The following SCFD2 variants were observed in gnomAD, a reference collection of about 807,000 sequenced individuals.
SCFD2 encodes the protein sec1 family domain containing 2.
A neutral mutation model predicts 58.9 loss-of-function variants in SCFD2; 54 were observed. The ratio of observed to expected loss-of-function variants is 0.92; its 90% CI spans 0.74 to 1.15. The LOEUF is 1.15. Ranked by LOEUF, SCFD2 falls within the 50% of genes most tolerant of loss-of-function variation. The probability of loss-of-function intolerance (pLI) is 0.00; values close to 1 mark genes in which losing one functional copy is unlikely to be tolerated. For synonymous variants in SCFD2, 321 were observed against 335.9 expected (o/e 0.96, Z 0.49); for missense variants, 805 against 836.6 (o/e 0.96, Z 0.47).
chr4:53,093,764 A>G (rs1724538834), intron 5 of SCFD2, among the ~76,000 whole-genome samples: 1 of 151,398 alleles, frequency 6.6e-6, no homozygotes, highest in Non-Finnish European at 1.5e-5. Context: ...GAAAAAAAAT[A>G]TGTATTTGTG....
At chr4:53,203,972 G>T (rs1728330534) in intron 4 of SCFD2, among the ~76,000 whole-genome samples, 1 of 152,120 alleles carries the variant, frequency 6.6e-6, no homozygotes, top group South Asian at 2.1e-4. Flanking sequence ...GCTGATTGCT[G>T]ACACTACGTA....
intron 4 of SCFD2, among the ~76,000 whole-genome samples, chr4:53,247,344 A>G (rs1730121201): frequency 6.6e-6 from 1 of 152,184 alleles, no homozygotes; most frequent in Admixed American, 6.5e-5. Context: ...TTCCTCAAAG[A>G]GCTAAAAACT....
At chr4:53,044,270 T>TC (rs1256783864) in intron 5 of SCFD2, among the ~76,000 whole-genome samples, 1 of 151,740 alleles carries the variant, frequency 6.6e-6, no homozygotes, top group Non-Finnish European at 1.5e-5. Context: ...CAACCCTGCT[T>TC]CCCCCACTGT....
chr4:53,009,390 G>A (rs1195595394), intron 5 of SCFD2, among the ~76,000 whole-genome samples: 1 of 152,142 alleles, frequency 6.6e-6, no homozygotes, highest in Non-Finnish European at 1.5e-5. Flanking sequence ...TTTTCCTTAA[G>A]AACAACCTTT....
intron 5 of SCFD2, among the ~76,000 whole-genome samples, chr4:53,127,832 G>C (rs907690309): frequency 6.6e-6 from 1 of 152,062 alleles, no homozygotes; most frequent in African/African-American, 2.4e-5. Context: ...AGTCCAATGT[G>C]GAGGAGTGTG....
chr4:53,122,141 C>T lies in SCFD2; in HGVS notation c.1561+23192G>A, dbSNP rs183330306. Among the ~76,000 whole-genome samples the T allele has an allele frequency of 6.9e-3, 1,058 of 152,272 alleles. 5 individuals are homozygous for T. Among genetic ancestry groups the T allele is most frequent in the Non-Finnish European group, 0.01 (711 of 68,016 alleles). On this transcript the variant is annotated intron_variant, in intron 5 of 8. Transcript: ENST00000401642. ...CCTGTAATCCCAGCACTTCGGGAGG[C>T]TGAGGCAGGTGGATCACCTGAGGTC...
chr4:52,930,129 A>G (rs1383619217), intron 5 of SCFD2, among the ~76,000 whole-genome samples: 2 of 152,166 alleles, frequency 1.3e-5, no homozygotes, highest in East Asian at 3.8e-4. Flanking sequence ...AGTAACCAAA[A>G]CAGCATGGTA....
intron 4 of SCFD2, among the ~76,000 whole-genome samples, chr4:53,235,041 C>T (rs905466019): frequency 5.9e-5 from 9 of 152,226 alleles, no homozygotes; most frequent in Non-Finnish European, 7.3e-5. Context: ...ATGGCCACTC[C>T]TGCTCCTGCC....
chr4:52,987,899 AAC>A (rs1170585712), intron 5 of SCFD2, among the ~76,000 whole-genome samples: 6 of 152,322 alleles, frequency 3.9e-5, no homozygotes, highest in Middle Eastern at 3.4e-3. Context: ...CATGTGGAGG[AAC>A]TGCAAGTGAG....
chr4:52,994,483 GC>G (rs1721694512), intron 5 of SCFD2, among the ~76,000 whole-genome samples: 1 of 152,192 alleles, frequency 6.6e-6, no homozygotes, highest in South Asian at 2.1e-4. Context: ...TGGACGGCAA[GC>G]CCCACTGGTC....
intron 5 of SCFD2, among the ~76,000 whole-genome samples, chr4:52,935,600 G>T (rs1720116275): frequency 6.6e-6 from 1 of 152,192 alleles, no homozygotes; most frequent in Admixed American, 6.5e-5. Flanking sequence ...GGGTCTGGGA[G>T]TTAATGGCAT....
chr4:53,355,996 T>C lies in SCFD2; in HGVS notation c.839-3230A>G, dbSNP rs1205193455. Among the ~76,000 whole-genome samples the C allele has an allele frequency of 2.0e-5, 3 of 152,262 alleles. No individual in the cohort carries two copies. The East Asian group carries it at 5.8e-4, about 29-fold the overall frequency. ...GAATTCAGAGTGGCTTAACTGGGTC[T>C]GACTCAGAGACTCTCATAAAATTGC... is the stretch of plus-strand genomic sequence containing the variant. On this transcript the variant is annotated intron_variant, in intron 1 of 8. Transcript: ENST00000401642.
At chr4:53,155,581 G>A (rs982038984) in intron 4 of SCFD2, among the ~76,000 whole-genome samples, 29 of 152,186 alleles carry the variant, frequency 1.9e-4, no homozygotes, top group Admixed American at 5.2e-4. Flanking sequence ...AAATGAAGAA[G>A]CAATAACATG....
At chr4:53,308,771 C>G (rs188741177) in intron 3 of SCFD2, among the ~76,000 whole-genome samples, 37 of 152,188 alleles carry the variant, frequency 2.4e-4, no homozygotes, top group African/African-American at 7.9e-4. Flanking sequence ...TGTTGAAATT[C>G]AGAAATGAAA....
At chr4:53,159,277 G>A (rs1455822296) in intron 4 of SCFD2, among the ~76,000 whole-genome samples, 1 of 152,178 alleles carries the variant, frequency 6.6e-6, no homozygotes, top group Admixed American at 6.5e-5. Flanking sequence ...TTATTACAGA[G>A]GAGGAAACTG....
chr4:53,295,590 C>T (rs755727233), intron 3 of SCFD2, among the ~76,000 whole-genome samples: 57 of 152,154 alleles, frequency 3.7e-4, no homozygotes, highest in Non-Finnish European at 1.8e-4. Flanking sequence ...CAGAGAGAGA[C>T]AATTTGACTT....
chr4:53,249,829 C>A (rs1730285629), intron 4 of SCFD2, among the ~76,000 whole-genome samples: 1 of 152,170 alleles, frequency 6.6e-6, no homozygotes, highest in South Asian at 2.1e-4. Flanking sequence ...ACAACCGGTA[C>A]CAGCCACTGA....
intron 5 of SCFD2, among the ~76,000 whole-genome samples, chr4:53,144,504 G>GTA (rs1174107698): frequency 2.0e-5 from 3 of 146,486 alleles, no homozygotes; most frequent in Non-Finnish European, 3.0e-5. Context: ...ACACACACAG[G>GTA]TATATATACA....
chr4:53,210,217 G>T (rs1358366588), intron 4 of SCFD2, among the ~76,000 whole-genome samples: 1 of 152,030 alleles, frequency 6.6e-6, no homozygotes, highest in Non-Finnish European at 1.5e-5. Context: ...GCAGCTAGGA[G>T]AATAGGTGAG....
Sources: gnomAD v4.1 joint callset for allele counts (sites outside exome capture counted in the v4.1 genomes callset) on GRCh38, gnomAD v4.1.1 for gene constraint, MANE v1.5 for transcripts, NCBI Gene and HGNC (gene_info 2026-07-23, HGNC 2026-07-21) for gene names.